Variants in PIK3CB observed in about 807,000 individuals in gnomAD.
PIK3CB encodes the protein phosphatidylinositol-4,5-bisphosphate 3-kinase catalytic subunit beta.
Under a neutral mutation model 136.8 loss-of-function variants are expected in PIK3CB, and 39 were observed. The observed-to-expected ratio is 0.29, with a 90% CI of 0.22 to 0.37. The LOEUF (loss-of-function observed/expected upper bound fraction) is 0.37. Ranked by LOEUF, PIK3CB falls within the 10% of genes least tolerant of loss-of-function variation. The pLI, the probability that PIK3CB is intolerant of heterozygous loss-of-function variation, is 1.00. For synonymous variants in PIK3CB, 428 were observed against 436.6 expected (o/e 0.98, Z 0.25); for missense variants, 868 against 1,275.4 (o/e 0.68, Z 4.87).
chr3:138,734,603 G>C lies in PIK3CB; in HGVS notation c.972+31C>G, dbSNP rs771603536. ...AACTAACACAATCACATGGCTTTTG[G>C]GGTTACTAAAGGTTCAGAAATAAAA... On this transcript the variant is annotated intron_variant, in intron 7 of 23. Transcript: ENST00000674063. The C allele has an allele frequency of 9.9e-6, 15 of 1,515,252 alleles. No homozygotes were observed. In the East Asian group the frequency reaches 1.1e-4, roughly 12 times the overall value. The allele number at this position is 1,515,252 out of a possible 1,614,324, so 93.9% of individuals were successfully genotyped here.
At chr3:138,758,991 A>C (rs1157525741) in intron 3 of PIK3CB, among the ~76,000 whole-genome samples, 182 bp downstream of exon 3, 1 of 152,124 alleles carries the variant, frequency 6.6e-6, no homozygotes, top group African/African-American at 2.4e-5. Flanking sequence ...TCTTCTTGAC[A>C]GTTTTAATAA....
chr3:138,664,882 A>G (rs931948073), intron 20 of PIK3CB, among the ~76,000 whole-genome samples, 154 bp downstream of exon 20: 1 of 152,234 alleles, frequency 6.6e-6, no homozygotes, highest in African/African-American at 2.4e-5. Context: ...AGACTTTACG[A>G]AGGGCTATGT....
intron 8 of PIK3CB, among the ~76,000 whole-genome samples, chr3:138,717,060 C>T (rs755234817): frequency 1.2e-4 from 18 of 150,440 alleles, no homozygotes; most frequent in Non-Finnish European, 2.5e-4. Context: ...TCAAGACCAT[C>T]CTGGCCAACA....
chr3:138,667,687 G>A (rs1372187217), intron 19 of PIK3CB, among the ~76,000 whole-genome samples: 1 of 150,274 alleles, frequency 6.7e-6, no homozygotes, highest in African/African-American at 2.4e-5. Flanking sequence ...TCAGCCTCCC[G>A]AGTAGCTGGG....
chr3:138,831,031 C>G (rs1040177992), intron 1 of PIK3CB, among the ~76,000 whole-genome samples: 1 of 149,868 alleles, frequency 6.7e-6, no homozygotes, highest in South Asian at 2.1e-4. Context: ...GCCTGGAGTC[C>G]CAGCACTTTG....
intron 2 of PIK3CB, among the ~76,000 whole-genome samples, chr3:138,782,926 A>C (rs147779055): frequency 2.8e-4 from 42 of 152,336 alleles, no homozygotes; most frequent in African/African-American, 9.4e-4. Context: ...ACATAATCTA[A>C]GTAGCTGCAA....
At chr3:138,828,399 A>C (rs1933882879) in intron 1 of PIK3CB, among the ~76,000 whole-genome samples, 1 of 151,516 alleles carries the variant, frequency 6.6e-6, no homozygotes, top group Non-Finnish European at 1.5e-5. Context: ...GTTAGCCAGG[A>C]TGGTCTCGAT....
At chr3:138,739,917 A>G (rs116688775) in intron 5 of PIK3CB, among the ~76,000 whole-genome samples, 1 of 144,260 alleles carries the variant, frequency 6.9e-6, no homozygotes, top group South Asian at 2.2e-4. Context: ...AAAAAAAAAA[A>G]AAATAAAAGA....
chr3:138,759,410 T>C (rs2045630424), intron 2 of PIK3CB, 51 bp from the exon 3 acceptor site: 2 of 1,276,104 alleles, frequency 1.6e-6, no homozygotes, highest in South Asian at 1.5e-5. Flanking sequence ...CCAAATTTTA[T>C]ACCAAGATAT....
Position 138,656,229 on chromosome 3 carries a change from A to T in PIK3CB, c.2988T>A (p.His996Gln). The change falls in exon 23 of 24, where the codon CAT becomes CAA. Residue 996 changes from histidine (H) to glutamine (Q), a missense_variant. This residue lies in a region of PIK3CB where 88 missense variants were observed against 147.8 expected (regional missense o/e 0.60). Coordinates refer to ENST00000674063, the MANE Select transcript of PIK3CB (RefSeq NM_006219.3). ...CEDAYLILRRHGNLFITLFAL... is the reference protein window; with the variant it reads ...CEDAYLILRRQGNLFITLFAL... ...CAAAGAGAGTGATGAAGAGATTCCC[A>T]TGCCGTCGTAAAATCAGATATGCAT... 1.2e-6 allele frequency: 2 copies of T among 1,614,224 alleles called. No individual in the cohort carries two copies. Among genetic ancestry groups the T allele is most frequent in the South Asian group, 2.2e-5 (2 of 91,084 alleles).
chr3:138,789,198 C>A (rs941719726), intron 2 of PIK3CB, among the ~76,000 whole-genome samples: 1 of 152,134 alleles, frequency 6.6e-6, no homozygotes, highest in Admixed American at 6.6e-5. Context: ...TTGTTGAGTG[C>A]CTACTGTTTC....
intron 14 of PIK3CB, among the ~76,000 whole-genome samples, chr3:138,693,940 T>TAA (rs2044065954): frequency 3.4e-5 from 1 of 29,672 alleles, no homozygotes; most frequent in Non-Finnish European, 5.4e-5. Flanking sequence ...GCTTAAAATA[T>TAA]ATATATATAT....
intron 18 of PIK3CB, among the ~76,000 whole-genome samples, chr3:138,683,025 C>T: frequency 6.6e-6 from 1 of 152,120 alleles, no homozygotes; most frequent in Non-Finnish European, 1.5e-5. Context: ...ATCAATATTG[C>T]TATCACTGAA....
intron 4 of PIK3CB, among the ~76,000 whole-genome samples, chr3:138,753,269 C>T (rs2045506314): frequency 6.6e-6 from 1 of 152,022 alleles, no homozygotes; most frequent in South Asian, 2.1e-4. Context: ...ACCTGTAATC[C>T]CAGCACTTTG....
chr3:138,768,294 G>T (rs2045759534), intron 2 of PIK3CB, among the ~76,000 whole-genome samples: 1 of 152,150 alleles, frequency 6.6e-6, no homozygotes, highest in Non-Finnish European at 1.5e-5. Context: ...GCCCTGGAGT[G>T]GGTAGCTCCT....
At chr3:138,780,322 G>A (rs2045909880) in intron 2 of PIK3CB, among the ~76,000 whole-genome samples, 1 of 151,970 alleles carries the variant, frequency 6.6e-6, no homozygotes, top group African/African-American at 2.4e-5. Context: ...CCAGGCTGGA[G>A]TGCAGTGGTG....
chr3:138,694,630 T>C (rs1388275215), intron 14 of PIK3CB, among the ~76,000 whole-genome samples, 156 bp downstream of exon 14: 3 of 151,866 alleles, frequency 2.0e-5, no homozygotes, highest in East Asian at 3.9e-4. Context: ...AGTATAAACA[T>C]TGAGTTGGGG....
intron 10 of PIK3CB, among the ~76,000 whole-genome samples, chr3:138,708,461 A>C (rs189787827): frequency 2.0e-5 from 3 of 151,796 alleles, no homozygotes; most frequent in African/African-American, 7.2e-5. Flanking sequence ...GGGTTTCACC[A>C]TGTTACCCAG....
chr3:138,727,945 C>A (rs1480565624), intron 8 of PIK3CB, among the ~76,000 whole-genome samples: 1 of 152,070 alleles, frequency 6.6e-6, no homozygotes, highest in Non-Finnish European at 1.5e-5. Flanking sequence ...GCAACCTCCG[C>A]CTCCCAGGTT....
Sources: allele counts gnomAD v4.1 joint callset (sites outside exome capture counted in the v4.1 genomes callset), GRCh38; gene constraint gnomAD v4.1.1; regional missense constraint gnomAD v4.1.1; transcripts MANE v1.5; gene names NCBI Gene and HGNC (gene_info 2026-07-23, HGNC 2026-07-21).